Variants in YY1AP1 observed in about 807,000 individuals in gnomAD.
YY1AP1 encodes YY1-associated protein 1.
YY1AP1 carries 43 observed loss-of-function variants against 39.9 expected under a neutral mutation model. The observed-to-expected ratio is 1.08, with a 90% CI of 0.84 to 1.39. The LOEUF is 1.39. YY1AP1 is among the 40% of genes most tolerant of loss of function. YY1AP1 has a pLI of 0.00. For synonymous variants in YY1AP1, 292 were observed against 331.3 expected, an observed-to-expected ratio of 0.88 and a Z score of 1.29; for missense variants, 813 against 900.7, an observed-to-expected ratio of 0.90 and a Z score of 1.25.
At chr1:155,671,712 C>T (rs932678453) in intron 7 of YY1AP1, among the ~76,000 whole-genome samples, 1 of 152,044 alleles carries the variant, frequency 6.6e-6, no homozygotes, top group Middle Eastern at 3.4e-3. Flanking sequence ...TTTATATCTC[C>T]AGAAGAAAAA....
At chr1:155,687,173 A>G (rs1234078419) in intron 2 of YY1AP1, among the ~76,000 whole-genome samples, 1 of 152,208 alleles carries the variant, frequency 6.6e-6, no homozygotes, top group Non-Finnish European at 1.5e-5. Context: ...AAGGCCACCC[A>G]TTCTTTACAG....
chr1:155,675,537 G>C (rs956055211), intron 5 of YY1AP1, among the ~76,000 whole-genome samples: 7 of 151,966 alleles, frequency 4.6e-5, no homozygotes, highest in African/African-American at 1.7e-4. Flanking sequence ...TGTTGGCCAG[G>C]CTTGCCTCAA....
chr1:155,680,272 TGTC>T, intron 3 of YY1AP1, 141 bp downstream of exon 3: 1 of 857,432 alleles, frequency 1.2e-6, no homozygotes, highest in South Asian at 1.7e-5. Context: ...AAATTTCTTT[TGTC>T]ATTATATTCT....
In YY1AP1 at chr1:155,660,501, C is replaced by T. The variant is rs949033695; in HGVS notation, c.1409G>A (p.Gly470Glu). ...CTCAAAACTCTCACCTCCACTGACC[C>T]CCAGTGGAGGGACACCTGGAACTGT... ...LQTVPGVPPLGVSGGESFESP... is the reference protein window; with the variant it reads ...LQTVPGVPPLEVSGGESFESP... The change falls in exon 11 of 11, where the codon GGG (glycine) becomes GAG (glutamate). Residue 470 changes from glycine to glutamate, a missense_variant. By Grantham distance (98) the Gly-to-Glu change is moderately conservative. Transcript: ENST00000355499. The T allele has an allele frequency of 3.1e-6, 5 of 1,613,960 alleles. No individual in the cohort carries two copies. The Admixed American group carries it at 5.0e-5, about 16-fold the overall frequency.
intron 7 of YY1AP1, chr1:155,670,805 G>T: frequency 3.8e-6 from 1 of 262,082 alleles, no homozygotes. Flanking sequence ...CTCCTGAGTA[G>T]CTGGGACTAC....
At chr1:155,684,001 A>T (rs1366967012) in intron 2 of YY1AP1, among the ~76,000 whole-genome samples, 1 of 152,226 alleles carries the variant, frequency 6.6e-6, no homozygotes, top group African/African-American at 2.4e-5. Context: ...TAATCCCAGC[A>T]CTTTGGAAGG....
chr1:155,681,842 ATTTTTTTTTTT>A (rs57371049), intron 2 of YY1AP1, among the ~76,000 whole-genome samples: 1 of 137,630 alleles, frequency 7.3e-6, no homozygotes, highest in African/African-American at 2.6e-5. Context: ...TACATTGAGG[ATTTTTTTTTTT>A]TTTTTTTTTT....
rs778955224 is a variant in YY1AP1, at chr1:155,660,659, G to C, written c.1251C>G (p.Ile417Met). 6.2e-7 allele frequency: 1 copy of C among 1,614,186 alleles called. No individual in the cohort carries two copies. Residue 417 changes from isoleucine (I) to methionine (M), a missense_variant, in exon 11 of 11, where the codon ATC (isoleucine) becomes ATG (methionine). Physicochemically the swap from Ile to Met is conservative, Grantham distance 10. Around this residue, in one of 3 missense-constraint regions of YY1AP1, gnomAD observed 586 missense variants for 647.4 expected, o/e 0.91. Coordinates refer to ENST00000355499, the MANE Select transcript of YY1AP1 (RefSeq NM_139119.3). ...KRSSVLKPLL[I>M]QPSPSLQPSF... ...TGGGCTGGAGAGAGGGGCTGGGTTG[G>C]ATAAGGAGGGGTTTCAGGACTGATG...
intron 3 of YY1AP1, 87 bp from the exon 4 acceptor site, chr1:155,679,599 A>C: frequency 1.9e-6 from 3 of 1,603,924 alleles, no homozygotes; most frequent in Non-Finnish European, 2.6e-6. Flanking sequence ...GAAAACTATA[A>C]ACAATACTTT....
At chr1:155,677,442 C>T (rs551726806) in intron 4 of YY1AP1, among the ~76,000 whole-genome samples, 42 of 152,124 alleles carry the variant, frequency 2.8e-4, no homozygotes, top group African/African-American at 9.9e-4. Flanking sequence ...GATTACTATA[C>T]CTTTTCTATG....
chr1:155,660,120 G>C lies in YY1AP1; in HGVS notation c.1790C>G (p.Pro597Arg). ...GTTCAATGGACAGGGGAAGGAAGTA[G>C]GGTTAACCAAGAGGGTGGCGATGGG... ...TIPIATLLVN[P>R]TSFPCPLNQP... The change falls in exon 11 of 11, where the codon CCT (proline) becomes CGT (arginine). Residue 597 changes from proline (P) to arginine (R), a missense_variant. Around this residue, in one of 3 missense-constraint regions of YY1AP1, gnomAD observed 586 missense variants for 647.4 expected, o/e 0.91. Transcript: ENST00000355499. 1 of 1,614,216 alleles carries C rather than the reference G, an allele frequency of 6.2e-7. No homozygotes were observed. Among genetic ancestry groups the C allele is most frequent in the Non-Finnish European group, 8.5e-7 (1 of 1,180,038 alleles).
chr1:155,688,088 G>A lies in YY1AP1; in HGVS notation c.-38C>T, dbSNP rs914434795. On this transcript the variant is annotated 5_prime_UTR_variant, in exon 2 of 11. Transcript: ENST00000355499. ...CTACTCACCGTGTCGGAGGCCGAGA[G>A]CGATGAGAGTACAGGGAAGTGAGGA... The A allele has an allele frequency of 1.9e-6, 3 of 1,593,078 alleles. No homozygotes were observed. The highest frequency in any genetic ancestry group is 8.6e-7 in the Non-Finnish European group (1 of 1,166,246).
At chr1:155,673,670 A>C (rs1458391331) in intron 6 of YY1AP1, among the ~76,000 whole-genome samples, 1 of 152,010 alleles carries the variant, frequency 6.6e-6, no homozygotes, top group Non-Finnish European at 1.5e-5. Context: ...CAGTCTCCCA[A>C]GTTGCTGGGA....
At position 155,669,535 on chromosome 1, in the gene YY1AP1, A is replaced by C. The variant is rs192506706; in HGVS notation, c.729-758T>G. Among the ~76,000 whole-genome samples, 510 of 152,342 alleles carry C rather than the reference A, an allele frequency of 3.3e-3. 2 individuals carry two copies. Among genetic ancestry groups the C allele is most frequent in the African/African-American group, 0.012 (491 of 41,578 alleles). ...GATCATGATGAGCTGTATATTAACAACACAAAGGAAGTTCAAAGAGAATAC... is the reference window on the plus strand; with the variant it reads ...GATCATGATGAGCTGTATATTAACACCACAAAGGAAGTTCAAAGAGAATAC... On this transcript the variant is annotated intron_variant, in intron 8 of 10. Coordinates refer to ENST00000355499, the MANE Select transcript of YY1AP1 (RefSeq NM_139119.3).
chr1:155,676,769 A>C (rs759015075), intron 4 of YY1AP1, 23 bp from the exon 5 acceptor site: 2 of 1,611,758 alleles, frequency 1.2e-6, no homozygotes, highest in Non-Finnish European at 1.7e-6. Flanking sequence ...GGGATGACTG[A>C]ATTTGAGTGT....
chr1:155,664,708 TAAAAC>T (rs1258559274), intron 9 of YY1AP1, among the ~76,000 whole-genome samples: 3 of 140,976 alleles, frequency 2.1e-5, no homozygotes, highest in Non-Finnish European at 3.1e-5. Context: ...AGAAAAAAAA[TAAAAC>T]AAAAACAAAA....
chr1:155,675,695 C>T (rs188802660), intron 5 of YY1AP1, among the ~76,000 whole-genome samples: 294 of 151,938 alleles, frequency 1.9e-3, no homozygotes, highest in Non-Finnish European at 1.2e-3. Context: ...CCTGCTCAAG[C>T]AATCCTCCCA....
chr1:155,663,192 G>A (rs1408240027), intron 9 of YY1AP1, among the ~76,000 whole-genome samples: 2 of 151,964 alleles, frequency 1.3e-5, no homozygotes, highest in African/African-American at 4.8e-5. Context: ...CCAACATGGT[G>A]AAACCCCATC....
At chr1:155,671,430 TAA>T (rs796876942) in intron 7 of YY1AP1, among the ~76,000 whole-genome samples, 14 of 139,850 alleles carry the variant, frequency 1.0e-4, no homozygotes, top group Admixed American at 2.9e-4. Context: ...GACTCCATCT[TAA>T]AAAAAAAAAA....
Sources: gnomAD v4.1 joint callset for allele counts (sites outside exome capture counted in the v4.1 genomes callset) on GRCh38, gnomAD v4.1.1 for gene constraint, gnomAD v4.1.1 regional missense constraint, MANE v1.5 for transcripts, NCBI Gene and HGNC (gene_info 2026-07-23, HGNC 2026-07-21) for gene names.